Variants in TRPM8 observed in about 807,000 individuals in gnomAD.
The protein encoded by TRPM8 is transient receptor potential cation channel subfamily M member 8, also known as TRPM8 cationic channel.
In TRPM8, 110 loss-of-function variants were observed where a neutral mutation model predicts 133.7. The observed-to-expected ratio is 0.82, with a 90% confidence interval of 0.70 to 0.96. TRPM8 has a LOEUF of 0.96. TRPM8 is among the 40% of genes least tolerant of loss of function. TRPM8 has a pLI of 0.00. For synonymous variants in TRPM8, 535 were observed against 532.3 expected, an observed-to-expected ratio of 1.01 and a Z score of -0.07; for missense variants, 1,291 against 1,379.5, an observed-to-expected ratio of 0.94 and a Z score of 1.02.
chr2:233,981,775 C>G lies in TRPM8; in HGVS notation c.2449C>G (p.Leu817Val). ...TTCTGTTCCTTCTTTTCCCCCTAGG[C>G]TCCACTCTTCTAATAAAAGCTCTTT... ...FYFIAGIVFR[L>V]HSSNKSSLYS... The change falls in exon 19 of 26, where the codon CTC (leucine) becomes GTC (valine). Residue 817 changes from leucine to valine, a missense_variant and splice_region_variant. Physicochemically the swap from Leu to Val is conservative, Grantham distance 32. Around this residue, in one of 2 missense-constraint regions of TRPM8, gnomAD observed 328 missense variants for 410.6 expected, o/e 0.80. Transcript: ENST00000324695. 6.2e-7 allele frequency: 1 copy of G among 1,605,166 alleles called. No homozygotes were observed. Among genetic ancestry groups the G allele is most frequent in the Non-Finnish European group, 8.5e-7 (1 of 1,177,328 alleles).
chr2:234,006,621 A>T (rs563615982), intron 22 of TRPM8, among the ~76,000 whole-genome samples: 53 of 152,336 alleles, frequency 3.5e-4, no homozygotes, highest in Non-Finnish European at 5.6e-4. Flanking sequence ...TAGAATAAAG[A>T]TTGCATTCCT....
chr2:233,952,920 T>C (rs1169030311), intron 9 of TRPM8, among the ~76,000 whole-genome samples: 1 of 152,062 alleles, frequency 6.6e-6, no homozygotes, highest in Non-Finnish European at 1.5e-5. Flanking sequence ...CCTTCACCCC[T>C]CCTCCCCGCC....
intron 6 of TRPM8, among the ~76,000 whole-genome samples, chr2:233,944,327 T>C (rs150417830): frequency 7.2e-4 from 109 of 152,296 alleles, no homozygotes; most frequent in African/African-American, 2.5e-3. Flanking sequence ...ATATTTGTAA[T>C]GGGCATAGGA....
chr2:233,986,318 C>G (rs1037700455), intron 21 of TRPM8, among the ~76,000 whole-genome samples: 1 of 152,220 alleles, frequency 6.6e-6, no homozygotes, highest in Non-Finnish European at 1.5e-5. Context: ...ATACAAAGAG[C>G]AGAGACTGGA....
At position 233,960,902 on chromosome 2, in the gene TRPM8, T is replaced by A; in HGVS notation, c.1489T>A (p.Phe497Ile). 2 of 1,614,188 alleles carry A rather than the reference T, an allele frequency of 1.2e-6. No homozygotes were observed. Among genetic ancestry groups the A allele is most frequent in the South Asian group, 2.2e-5 (2 of 91,078 alleles). Residue 497 changes from phenylalanine (F) to isoleucine (I), a missense_variant, in exon 12 of 26, where the codon TTC becomes ATC. By Grantham distance (21) the Phe-to-Ile change is conservative (BLOSUM62 0). Coordinates refer to ENST00000324695, the MANE Select transcript of TRPM8 (RefSeq NM_024080.5). ...CACCCATGATGTCCTCACTGAACTCTTCTCCAACCACTTCAGCACGCTTGT... is the reference window on the plus strand; with the variant it reads ...CACCCATGATGTCCTCACTGAACTCATCTCCAACCACTTCAGCACGCTTGT... ...FLTHDVLTEL[F>I]SNHFSTLVYR... is the part of the protein sequence containing the mutation.
chr2:233,930,638 A>G (rs1351542388), intron 2 of TRPM8, 30 bp from the exon 3 acceptor site: 8 of 1,459,812 alleles, frequency 5.5e-6, no homozygotes, highest in Non-Finnish European at 6.7e-6. Context: ...ATAAATTAGT[A>G]ATGTGTTATT....
intron 6 of TRPM8, among the ~76,000 whole-genome samples, 168 bp from the exon 7 acceptor site, chr2:233,945,688 G>T (rs540110945): frequency 1.3e-5 from 2 of 152,280 alleles, no homozygotes; most frequent in South Asian, 4.1e-4. Context: ...TATTTAAAAG[G>T]AAGTCTGTAC....
rs1032482900 is a variant in TRPM8, at chr2:233,969,614, G to A, written c.2026-81G>A. The A allele has an allele frequency of 4.6e-5, 38 of 820,062 alleles. No individual in the cohort carries two copies. The African/African-American group carries it at 5.9e-4, about 13-fold the overall frequency. The allele number at this position is 820,062 out of a possible 1,614,324, so 50.8% of individuals were successfully genotyped here. The stretch of plus-strand genomic sequence containing the variant: ...GCTGTGTATTTTGGGGAAAGTGTGG[G>A]GCGGGGAAGAAAGTTTGCATGGCAT... On this transcript the variant is annotated intron_variant, in intron 15 of 25. Coordinates refer to ENST00000324695, the MANE Select transcript of TRPM8 (RefSeq NM_024080.5).
Position 234,014,567 on chromosome 2 carries a change from T to C in TRPM8, c.3270T>C (p.Asn1090=). The change falls in exon 25 of 26, where the codon AAT becomes AAC. Residue 1090 remains asparagine (N), a synonymous_variant. Transcript: ENST00000324695. ...HRFRQLDTKL[N]DLKGLLKEIA... ...TATTTTTTTCTCTTTCCAAGCTTAATGATCTCAAGGGTCTTCTGAAAGAGA... is the reference window on the plus strand; with the variant it reads ...TATTTTTTTCTCTTTCCAAGCTTAACGATCTCAAGGGTCTTCTGAAAGAGA... 1 of 1,543,504 alleles carries C rather than the reference T, an allele frequency of 6.5e-7. No homozygotes were observed. The highest frequency in any genetic ancestry group is 8.7e-7 in the Non-Finnish European group (1 of 1,149,692).
At position 233,963,294 on chromosome 2, in the gene TRPM8, A is replaced by T; in HGVS notation, c.1666A>T (p.Ile556Phe). 6.2e-7 allele frequency: 1 copy of T among 1,613,030 alleles called. No individual in the cohort carries two copies. The highest frequency in any genetic ancestry group is 2.2e-5 in the East Asian group (1 of 44,866). The stretch of plus-strand genomic sequence containing the variant: ...TCTAACCCCCCAGGACGTGTCTCCT[A>T]TTACTCGGCACCCCCTGCAAGCTCT... ...MDIELHDVSPITRHPLQALFI... is the reference protein window; with the variant it reads ...MDIELHDVSPFTRHPLQALFI... Residue 556 changes from isoleucine to phenylalanine, a missense_variant, in exon 13 of 26, where the codon ATT becomes TTT. Coordinates refer to ENST00000324695, the MANE Select transcript of TRPM8 (RefSeq NM_024080.5).
rs756424123 is a variant in TRPM8, at chr2:234,006,927, A to G, written c.3205A>G (p.Thr1069Ala). 1.8e-5 allele frequency: 29 copies of G among 1,613,616 alleles called. No homozygotes were observed. The Admixed American group carries it at 4.8e-4, about 27-fold the overall frequency. Residue 1069 changes from threonine (T) to alanine (A), a missense_variant, in exon 23 of 26, where the codon ACA becomes GCA. Physicochemically the swap from Thr to Ala is moderately conservative, Grantham distance 58. Coordinates refer to ENST00000324695, the MANE Select transcript of TRPM8 (RefSeq NM_024080.5). Reference sequence around the variant, plus strand: ...GGAAAACTACCTTGTCAAGATCAACACAAAAGCCAACGACACCTCAGAGGA... The same window carrying G: ...GGAAAACTACCTTGTCAAGATCAACGCAAAAGCCAACGACACCTCAGAGGA... ...MKENYLVKIN[T>A]KANDTSEEMR...
intron 4 of TRPM8, among the ~76,000 whole-genome samples, chr2:233,937,910 G>A (rs946824802): frequency 6.6e-6 from 1 of 152,162 alleles, no homozygotes; most frequent in South Asian, 2.1e-4. Context: ...CTCCAGCAAG[G>A]TTTCACAAAG....
chr2:233,917,389 C>A lies in TRPM8; in HGVS notation c.-49C>A, dbSNP rs1280385119. 1 of 152,100 alleles carries A rather than the reference C, an allele frequency of 6.6e-6. No homozygotes were observed. The highest frequency in any genetic ancestry group is 1.5e-5 in the Non-Finnish European group (1 of 68,020). 9.4% of individuals were successfully genotyped at this position (152,100 alleles called of 1,614,324 possible). A position where few individuals can be genotyped will look rare whatever the true frequency, so the allele number is the denominator to read the frequency against. The stretch of plus-strand genomic sequence containing the variant: ...CCTGTGGGGAGAGACCAGCAGGATC[C>A]TTGGGTGAAAGAAAATCCTGCTTGA... On this transcript the variant is annotated 5_prime_UTR_variant, in exon 1 of 26. Transcript: ENST00000324695.
At chr2:233,958,128 C>G (rs937673149) in intron 11 of TRPM8, among the ~76,000 whole-genome samples, 1 of 152,152 alleles carries the variant, frequency 6.6e-6, no homozygotes, top group Non-Finnish European at 1.5e-5. Context: ...GGATGATCCC[C>G]TTTGTGGTTA....
intron 21 of TRPM8, among the ~76,000 whole-genome samples, chr2:233,988,051 T>C (rs917664454): frequency 1.3e-5 from 2 of 151,972 alleles, no homozygotes; most frequent in Non-Finnish European, 2.9e-5. Context: ...AACACAGTCA[T>C]TGTTCTGCTT....
chr2:233,917,670 G>A (rs966178035), intron 1 of TRPM8, among the ~76,000 whole-genome samples: 2 of 152,204 alleles, frequency 1.3e-5, no homozygotes, highest in African/African-American at 2.4e-5. Flanking sequence ...ATTATTTGCT[G>A]AATTTTTGAA....
chr2:233,933,346 T>C (rs140653543), intron 3 of TRPM8, among the ~76,000 whole-genome samples: 1 of 152,276 alleles, frequency 6.6e-6, no homozygotes, highest in African/African-American at 2.4e-5. Flanking sequence ...TTTTAATTTA[T>C]TTAATTTCAC....
intron 24 of TRPM8, among the ~76,000 whole-genome samples, chr2:234,008,792 A>G (rs146466693): frequency 1.3e-5 from 2 of 152,316 alleles, no homozygotes; most frequent in Admixed American, 6.5e-5. Flanking sequence ...TACCTTGACC[A>G]TAGTAGAGCC....
At position 233,961,538 on chromosome 2, in the gene TRPM8, G is replaced by A. The variant is rs551493079; in HGVS notation, c.1653+472G>A. On this transcript the variant is annotated intron_variant, in intron 12 of 25. Coordinates refer to ENST00000324695, the MANE Select transcript of TRPM8 (RefSeq NM_024080.5). ...CCAGGCTGGTCTCAAACTCCTCTCCGCGTGATCTGTCCACCTCGGCCTCCC... is the reference window on the plus strand; with the variant it reads ...CCAGGCTGGTCTCAAACTCCTCTCCACGTGATCTGTCCACCTCGGCCTCCC... 7.5e-5 allele frequency among the ~76,000 whole-genome samples: 11 copies of A among 147,190 alleles called. No individual in the cohort carries two copies. In the South Asian group the frequency reaches 1.3e-3, roughly 18 times the overall value.
Sources: allele counts gnomAD v4.1 joint callset (sites outside exome capture counted in the v4.1 genomes callset), GRCh38; gene constraint gnomAD v4.1.1; regional missense constraint gnomAD v4.1.1; transcripts MANE v1.5; gene names NCBI Gene and HGNC (gene_info 2026-07-23, HGNC 2026-07-21).